The following GLB1L3 variants were observed in gnomAD, a reference collection of about 807,000 sequenced individuals.
GLB1L3 encodes the protein beta-galactosidase-1-like protein 3.
GLB1L3 carries 89 observed loss-of-function variants against 89.5 expected under a neutral mutation model. The ratio of observed to expected loss-of-function variants is 0.99; its 90% CI spans 0.84 to 1.19. The LOEUF is 1.19. Among genes scored for constraint, GLB1L3 ranks in the 50% most tolerant of loss-of-function variants. GLB1L3 has a pLI of 0.00. For missense variants in GLB1L3, 812 were observed against 813.3 expected (o/e 1.00, Z 0.02); for synonymous variants, 314 against 312.3 (o/e 1.01, Z -0.06).
Position 134,318,664 on chromosome 11 carries a change from C to A in GLB1L3, c.1813C>A (p.Arg605Ser), listed in dbSNP as rs199782475. 1 of 1,611,850 alleles carries A rather than the reference C, an allele frequency of 6.2e-7. No homozygotes were observed. The highest frequency in any genetic ancestry group is 8.5e-7 in the Non-Finnish European group (1 of 1,178,354). The part of the protein sequence containing the change: ...WNYGFVFING[R>S]NLGRYWNIGP... ...TTATGGATTTGTGTTCATCAATGGACGTAACCTTGGGCGATATTGGAATAT... is the reference window on the plus strand; with the variant it reads ...TTATGGATTTGTGTTCATCAATGGAAGTAACCTTGGGCGATATTGGAATAT... Residue 605 changes from arginine to serine, a missense_variant, in exon 19 of 20, where the codon CGT (arginine) becomes AGT (serine). By Grantham distance (110) the Arg-to-Ser change is moderately radical (BLOSUM62 -1). Coordinates refer to ENST00000431683, the MANE Select transcript of GLB1L3 (RefSeq NM_001080407.3).
intron 9 of GLB1L3, among the ~76,000 whole-genome samples, chr11:134,304,657 G>C (rs1177031590): frequency 3.3e-5 from 5 of 151,704 alleles, no homozygotes; most frequent in African/African-American, 9.7e-5. Flanking sequence ...AAAAATCTTT[G>C]TTAGGTAATA....
In GLB1L3 at chr11:134,277,204, C is replaced by T. The variant is rs780926519; in HGVS notation, c.24-122C>T. On this transcript the variant is annotated intron_variant, in intron 1 of 19. Transcript: ENST00000431683. The stretch of plus-strand genomic sequence containing the variant: ...CCCTGGGCCCGCCTGGAAGACCCGC[C>T]TGTGTCGCGGGCCCCCTCCCTGGCT... The T allele has an allele frequency of 7.1e-6, 9 of 1,275,776 alleles. No individual in the cohort carries two copies. In the South Asian group the frequency reaches 1.1e-4, roughly 15 times the overall value. The allele number at this position is 1,275,776 out of a possible 1,614,324, so 79.0% of individuals were successfully genotyped here.
chr11:134,304,553 T>A (rs950269199), intron 9 of GLB1L3, among the ~76,000 whole-genome samples: 4 of 152,202 alleles, frequency 2.6e-5, no homozygotes, highest in African/African-American at 7.2e-5. Flanking sequence ...TGCTCACTTT[T>A]CACTCCTTTT....
At chr11:134,303,242 A>G (rs1942034637) in intron 9 of GLB1L3, among the ~76,000 whole-genome samples, 1 of 152,148 alleles carries the variant, frequency 6.6e-6, no homozygotes, top group African/African-American at 2.4e-5. Flanking sequence ...ATTTTTCTTT[A>G]GACATCTCTC....
intron 6 of GLB1L3, among the ~76,000 whole-genome samples, chr11:134,288,529 T>C (rs1018034614): frequency 1.1e-4 from 17 of 152,040 alleles, no homozygotes; most frequent in Non-Finnish European, 2.2e-4. Context: ...CATTTGTAGG[T>C]TTGAGGGCTC....
At chr11:134,283,009 C>T (rs1940782694) in intron 5 of GLB1L3, among the ~76,000 whole-genome samples, 2 of 152,162 alleles carry the variant, frequency 1.3e-5, no homozygotes, top group Admixed American at 1.3e-4. Flanking sequence ...AGCCTGAAGC[C>T]TTAGCCCTTA....
intron 7 of GLB1L3, among the ~76,000 whole-genome samples, chr11:134,289,314 C>T (rs978670057): frequency 6.6e-6 from 1 of 151,956 alleles, no homozygotes; most frequent in Non-Finnish European, 1.5e-5. Flanking sequence ...GTTAAACAGG[C>T]TGAGGGGGAG....
chr11:134,290,678 C>T (rs1941311693), intron 7 of GLB1L3, among the ~76,000 whole-genome samples: 1 of 151,950 alleles, frequency 6.6e-6, no homozygotes, highest in Non-Finnish European at 1.5e-5. Flanking sequence ...GACGCACAGC[C>T]AGGCCCTGGC....
At chr11:134,305,217 A>G (rs922699708) in intron 9 of GLB1L3, 11 of 924,834 alleles carry the variant, frequency 1.2e-5, no homozygotes, top group Non-Finnish European at 1.9e-5. Context: ...TTGTCCTTCT[A>G]AGCTTCTGAT....
intron 7 of GLB1L3, among the ~76,000 whole-genome samples, chr11:134,290,315 A>G (rs1181863358): frequency 6.6e-6 from 1 of 152,180 alleles, no homozygotes; most frequent in Non-Finnish European, 1.5e-5. Context: ...GCGCATGCCT[A>G]GAATCCCAGC....
intron 9 of GLB1L3, among the ~76,000 whole-genome samples, chr11:134,296,514 A>C (rs1189703024): frequency 4.3e-5 from 6 of 140,388 alleles, no homozygotes; most frequent in Middle Eastern, 3.6e-3. Flanking sequence ...ATGCAGCCAT[A>C]AAAAATGATG....
chr11:134,292,084 C>T, intron 7 of GLB1L3, 48 bp from the exon 8 acceptor site: 1 of 1,375,018 alleles, frequency 7.3e-7, no homozygotes, highest in Non-Finnish European at 1.0e-6. Context: ...TTCTTTTTTC[C>T]CATGGGAATG....
At position 134,310,657 on chromosome 11, in the gene GLB1L3, C is replaced by T. The variant is rs768704214; in HGVS notation, c.1180+6C>T. 9.9e-6 allele frequency: 16 copies of T among 1,608,148 alleles called. No homozygotes were observed. Among genetic ancestry groups the T allele is most frequent in the African/African-American group, 1.3e-5 (1 of 74,828 alleles). On this transcript the variant is annotated splice_donor_region_variant and intron_variant, in intron 12 of 19. Transcript: ENST00000431683. Reference sequence around the variant, plus strand: ...ACTCTTTCAATCTGTCTCAGGTACTCAGCACCCATTTAACTTACGGGCCAG... The same window carrying T: ...ACTCTTTCAATCTGTCTCAGGTACTTAGCACCCATTTAACTTACGGGCCAG...
chr11:134,289,706 C>T (rs539078120), intron 7 of GLB1L3, among the ~76,000 whole-genome samples: 1 of 152,336 alleles, frequency 6.6e-6, no homozygotes, highest in Admixed American at 6.5e-5. Flanking sequence ...TTGAAGCTTT[C>T]TGGCCTGTAA....
At chr11:134,288,259 A>G (rs956786917) in intron 6 of GLB1L3, among the ~76,000 whole-genome samples, 15 of 152,040 alleles carry the variant, frequency 9.9e-5, no homozygotes, top group African/African-American at 3.6e-4. Flanking sequence ...TGTGGCTCTT[A>G]ATGAGGAGAG....
At chr11:134,323,408 C>G (rs1230686873), downstream of GLB1L3, among the ~76,000 whole-genome samples, 1 of 151,554 alleles carries the variant, frequency 6.6e-6, no homozygotes, top group Admixed American at 6.6e-5. Flanking sequence ...CACACACACA[C>G]ACACACACAC....
intron 3 of GLB1L3, among the ~76,000 whole-genome samples, 155 bp from the exon 4 acceptor site, chr11:134,281,222 A>C (rs1444377298): frequency 6.6e-6 from 1 of 152,250 alleles, no homozygotes; most frequent in Non-Finnish European, 1.5e-5. Context: ...AAAGATGGTC[A>C]TGGTTAGTGT....
At chr11:134,309,870 C>A in intron 11 of GLB1L3, 107 bp downstream of exon 11, 2 of 1,244,066 alleles carry the variant, frequency 1.6e-6, no homozygotes, top group South Asian at 1.4e-5. Flanking sequence ...GACCTATAAT[C>A]TATGCTGAGT....
intron 9 of GLB1L3, among the ~76,000 whole-genome samples, chr11:134,293,799 G>A (rs1024723592): frequency 3.3e-5 from 5 of 152,152 alleles, no homozygotes; most frequent in African/African-American, 1.2e-4. Flanking sequence ...TCAAGACCAG[G>A]CCTGGTCACA....
Sources: allele counts gnomAD v4.1 joint callset (sites outside exome capture counted in the v4.1 genomes callset), GRCh38; gene constraint gnomAD v4.1.1; transcripts MANE v1.5; gene names NCBI Gene and HGNC (gene_info 2026-07-23, HGNC 2026-07-21).